The following ITGB8 variants were observed in gnomAD, a reference collection of about 807,000 sequenced individuals.
The protein encoded by ITGB8 is integrin beta-8.
A neutral mutation model predicts 89.5 loss-of-function variants in ITGB8; 30 were observed. The observed-to-expected ratio is 0.34, with a 90% confidence interval of 0.25 to 0.45. The LOEUF (loss-of-function observed/expected upper bound fraction) is 0.45. ITGB8 is among the 20% of genes least tolerant of loss of function. ITGB8 has a pLI of 1.00. For missense variants in ITGB8, 836 were observed against 933.3 expected (o/e 0.90, Z 1.36); for synonymous variants, 335 against 320.4 (o/e 1.05, Z -0.49).
intron 10 of ITGB8, among the ~76,000 whole-genome samples, chr7:20,402,632 C>A (rs948919984): frequency 6.6e-6 from 1 of 151,994 alleles, no homozygotes; most frequent in Non-Finnish European, 1.5e-5. Flanking sequence ...GTAATTTAAG[C>A]CTCTCCAGTT....
chr7:20,400,971 TTTTA>T (rs1441118812), intron 9 of ITGB8, among the ~76,000 whole-genome samples: 1 of 151,964 alleles, frequency 6.6e-6, no homozygotes, highest in East Asian at 1.9e-4. Context: ...GGGTTTTGAT[TTTTA>T]TTTATTTATT....
intron 1 of ITGB8, among the ~76,000 whole-genome samples, chr7:20,337,665 G>A (rs1012045634): frequency 1.3e-5 from 2 of 152,150 alleles, no homozygotes; most frequent in Non-Finnish European, 2.9e-5. Flanking sequence ...TCCGATCTGT[G>A]TGGTTTGAGT....
intron 3 of ITGB8, chr7:20,377,266 G>A (rs146191969): frequency 1.7e-4 from 26 of 152,212 alleles, no homozygotes; most frequent in African/African-American, 5.8e-4. Context: ...AAACTGCAAC[G>A]ATTCACCAAG....
intron 8 of ITGB8, among the ~76,000 whole-genome samples, chr7:20,397,437 G>A (rs1408595732): frequency 1.3e-5 from 2 of 152,098 alleles, no homozygotes; most frequent in East Asian, 1.9e-4. Flanking sequence ...TGTTAGCCAC[G>A]CTGGTCTGGA....
At chr7:20,356,536 A>G (rs1785300437) in intron 1 of ITGB8, among the ~76,000 whole-genome samples, 1 of 152,158 alleles carries the variant, frequency 6.6e-6, no homozygotes, top group Non-Finnish European at 1.5e-5. Context: ...TTTTTTAAGG[A>G]AGTAGCTTTA....
chr7:20,366,434 G>A (rs972984417), intron 2 of ITGB8: 1 of 152,102 alleles, frequency 6.6e-6, no homozygotes, highest in Non-Finnish European at 1.5e-5. Flanking sequence ...TATATCCCCA[G>A]AATACTATAT....
intron 12 of ITGB8, among the ~76,000 whole-genome samples, chr7:20,407,799 GA>G (rs1251083537): frequency 2.0e-5 from 3 of 152,200 alleles, no homozygotes; most frequent in Non-Finnish European, 4.4e-5. Context: ...AGCTCCTTAG[GA>G]AAAGCCCCGG....
At chr7:20,386,922 C>A (rs1360143782) in intron 6 of ITGB8, among the ~76,000 whole-genome samples, 1 of 151,934 alleles carries the variant, frequency 6.6e-6, no homozygotes, top group Non-Finnish European at 1.5e-5. Flanking sequence ...CAATGCATAC[C>A]CTTCTTCAGT....
intron 3 of ITGB8, among the ~76,000 whole-genome samples, chr7:20,373,996 C>T (rs1786035086): frequency 6.6e-6 from 1 of 152,188 alleles, no homozygotes; most frequent in African/African-American, 2.4e-5. Context: ...CAACTCTCCT[C>T]CATGTCTTCT....
At chr7:20,382,422 T>A (rs902233110) in intron 6 of ITGB8, among the ~76,000 whole-genome samples, 1 of 152,234 alleles carries the variant, frequency 6.6e-6, no homozygotes, top group African/African-American at 2.4e-5. Context: ...TCTGGCTTGC[T>A]TCCTGAGGGT....
chr7:20,354,926 C>T (rs1443139716), intron 1 of ITGB8, among the ~76,000 whole-genome samples: 1 of 152,132 alleles, frequency 6.6e-6, no homozygotes. Flanking sequence ...AGGCAAACAG[C>T]AATCTGTGTG....
chr7:20,377,160 A>G lies in ITGB8; in HGVS notation c.389-1891A>G, dbSNP rs548111478. On this transcript the variant is annotated intron_variant, in intron 3 of 13. Transcript: ENST00000222573. ...GGTTGTTTGCTGAGGTCACCAACCT[A>G]TACCTTTGCTGGGTCCCTGGCACAA... Among the ~76,000 whole-genome samples the G allele has an allele frequency of 3.3e-5, 5 of 152,260 alleles. No homozygotes were observed. The South Asian group carries it at 1.0e-3, about 32-fold the overall frequency.
At chr7:20,360,947 A>G (rs1176283112) in intron 1 of ITGB8, among the ~76,000 whole-genome samples, 1 of 129,734 alleles carries the variant, frequency 7.7e-6, no homozygotes, top group Non-Finnish European at 1.6e-5. Flanking sequence ...GAGTTTTTTC[A>G]ATTATATTAT....
intron 8 of ITGB8, 30 bp from the exon 9 acceptor site, chr7:20,398,830 G>T (rs200571708): frequency 1.5e-5 from 23 of 1,493,954 alleles, no homozygotes; most frequent in Admixed American, 2.3e-5. Context: ...AACTACTCTC[G>T]TATGTAATTT....
chr7:20,390,549 A>G (rs1391117288), intron 6 of ITGB8, among the ~76,000 whole-genome samples: 1 of 152,128 alleles, frequency 6.6e-6, no homozygotes. Context: ...AGTTGGCACA[A>G]CATAAATTTT....
intron 6 of ITGB8, among the ~76,000 whole-genome samples, chr7:20,386,334 G>A (rs1305118808): frequency 6.7e-6 from 1 of 149,136 alleles, no homozygotes; most frequent in East Asian, 1.9e-4. Flanking sequence ...CGCCTCCCAG[G>A]TTCAAGCGAT....
At position 20,402,010 on chromosome 7, in the gene ITGB8, G is replaced by A; in HGVS notation, c.1571G>A (p.Gly524Glu). Residue 524 changes from glycine (G) to glutamate (E), a missense_variant, in exon 10 of 14, where the codon GGA (glycine) becomes GAA (glutamate). This residue lies in a region of ITGB8 where 422 missense variants were observed against 416.9 expected (regional missense o/e 1.01). Transcript: ENST00000222573. The part of the protein sequence containing the change: ...HKDQPVCSGR[G>E]VCVCGKCSCH... Reference sequence around the variant, plus strand: ...GATCAGCCTGTTTGCAGTGGTCGAGGAGTTTGTGTTTGTGGGAAATGTTCA... The same window carrying A: ...GATCAGCCTGTTTGCAGTGGTCGAGAAGTTTGTGTTTGTGGGAAATGTTCA... 1 of 1,614,150 alleles carries A rather than the reference G, an allele frequency of 6.2e-7. No individual in the cohort carries two copies. Among genetic ancestry groups the A allele is most frequent in the Non-Finnish European group, 8.5e-7 (1 of 1,180,018 alleles).
chr7:20,331,757 G>A lies in ITGB8; in HGVS notation c.-50G>A, dbSNP rs1220494695. ...AGGTGCGCCCGGGAGGCGCGAGCCC[G>A]CGTCCGGAAGGCAGTCAGGCGGCGG... On this transcript the variant is annotated 5_prime_UTR_variant, in exon 1 of 14. Transcript: ENST00000222573. 2 of 1,577,430 alleles carry A rather than the reference G, an allele frequency of 1.3e-6. No homozygotes were observed. The highest frequency in any genetic ancestry group is 1.8e-5 in the Admixed American group (1 of 55,068).
chr7:20,399,640 T>C lies in ITGB8; in HGVS notation c.1281+646T>C, dbSNP rs145129876. The stretch of plus-strand genomic sequence containing the variant: ...TATCAGGAAACAGCACCAGAGGAGA[T>C]AGAGATTCTCCAAGGATTGGCACAA... On this transcript the variant is annotated intron_variant, in intron 9 of 13. Coordinates refer to ENST00000222573, the MANE Select transcript of ITGB8 (RefSeq NM_002214.3). Among the ~76,000 whole-genome samples, 342 of 150,342 alleles carry C rather than the reference T, an allele frequency of 2.3e-3. 1 individual carries two copies. Among genetic ancestry groups the C allele is most frequent in the Non-Finnish European group, 2.8e-3 (187 of 67,750 alleles).
Sources: gnomAD v4.1 joint callset for allele counts (sites outside exome capture counted in the v4.1 genomes callset) on GRCh38, gnomAD v4.1.1 for gene constraint, gnomAD v4.1.1 regional missense constraint, MANE v1.5 for transcripts, NCBI Gene and HGNC (gene_info 2026-07-23, HGNC 2026-07-21) for gene names.